The following MMP19 variants were observed in gnomAD, a reference collection of about 807,000 sequenced individuals.
MMP19 encodes the protein matrix metallopeptidase 19, also known as matrix metalloproteinase-19.
In MMP19, 47 loss-of-function variants were observed where a neutral mutation model predicts 46.6. The observed-to-expected ratio is 1.01, with a 90% CI of 0.80 to 1.29. The LOEUF (loss-of-function observed/expected upper bound fraction) is 1.29, where lower values mean the gene tolerates loss of function less well. Ranked by LOEUF, MMP19 falls within the 50% of genes most tolerant of loss-of-function variation. The pLI is 0.00. For synonymous variants in MMP19, 222 were observed against 248.5 expected, an observed-to-expected ratio of 0.89 and a Z score of 1.00; for missense variants, 589 against 643.5, an observed-to-expected ratio of 0.92 and a Z score of 0.92.
chr12:55,840,697 A>G lies in MMP19; in HGVS notation c.490T>C (p.Ser164Pro). 6.2e-7 allele frequency: 1 copy of G among 1,614,002 alleles called. No homozygotes were observed. The highest frequency in any genetic ancestry group is 8.5e-7 in the Non-Finnish European group (1 of 1,179,978). Reference protein sequence around the residue: ...IRLSFHGRQSSYCSNTFDGPG... With the variant: ...IRLSFHGRQSPYCSNTFDGPG... ...CCATCAAAAGTATTGGAACAGTACGAGCTTTGGCGGCCATGGAAGGAGAGG... is the reference window on the plus strand; with the variant it reads ...CCATCAAAAGTATTGGAACAGTACGGGCTTTGGCGGCCATGGAAGGAGAGG... The change falls in exon 4 of 9, where the codon TCG becomes CCG. Residue 164 changes from serine to proline, a missense_variant. Transcript: ENST00000322569.
At chr12:55,839,288 A>G (rs1307831220) in intron 5 of MMP19, among the ~76,000 whole-genome samples, 1 of 151,564 alleles carries the variant, frequency 6.6e-6, no homozygotes, top group Non-Finnish European at 1.5e-5. Flanking sequence ...ATCCCCAAGC[A>G]TGGGTGTAAG....
chr12:55,840,986 G>A (rs1364730568), intron 3 of MMP19, 104 bp from the exon 4 acceptor site: 13 of 1,538,750 alleles, frequency 8.4e-6, no homozygotes, highest in Non-Finnish European at 1.1e-5. Flanking sequence ...GTGACAACCA[G>A]GTAATCACCA....
intron 7 of MMP19, 71 bp from the exon 8 acceptor site, chr12:55,837,753 C>A: frequency 6.2e-7 from 1 of 1,603,974 alleles, no homozygotes; most frequent in Non-Finnish European, 8.5e-7. Flanking sequence ...CTCCGGTCCA[C>A]CTATTCAGAA....
In MMP19 at chr12:55,837,037, C is replaced by A; in HGVS notation, c.1526G>T (p.Ter509LeuextTer11). The change falls in exon 9 of 9, where the codon TGA becomes TTA. Residue 509 changes from the stop codon to leucine, a stop_lost. Coordinates refer to ENST00000322569, the MANE Select transcript of MMP19 (RefSeq NM_002429.6). ...AAGATTGTGTCTGTGGGTGAGCAGT[C>A]AGTATTCAAACGTGGTTTCTGTGGC... Reference protein sequence around the residue: ...LSATETTFEY* With the variant: ...LSATETTFEYL 1.3e-6 allele frequency: 2 copies of A among 1,556,616 alleles called. No homozygotes were observed. The highest frequency in any genetic ancestry group is 1.7e-4 in the Middle Eastern group (1 of 5,788).
At position 55,837,969 on chromosome 12, in the gene MMP19, C is replaced by G. The variant is rs761706209; in HGVS notation, c.934G>C (p.Val312Leu). 6.3e-7 allele frequency: 1 copy of G among 1,597,950 alleles called. No individual in the cohort carries two copies. Among genetic ancestry groups the G allele is most frequent in the South Asian group, 1.1e-5 (1 of 90,502 alleles). The change falls in exon 7 of 9, where the codon GTG (valine) becomes CTG (leucine). Residue 312 changes from valine to leucine, a missense_variant. Coordinates refer to ENST00000322569, the MANE Select transcript of MMP19 (RefSeq NM_002429.6). ...GGTCCTGAATCTGATACAGTCCACACATAGTCCCCCTTGAAAGCATAGGTC... is the reference window on the plus strand; with the variant it reads ...GGTCCTGAATCTGATACAGTCCACAGATAGTCCCCCTTGAAAGCATAGGTC... ...GKTYAFKGDY[V>L]WTVSDSGPGP...
chr12:55,842,480 T>A (rs1361175880), intron 1 of MMP19, 42 bp from the exon 2 acceptor site: 7 of 1,458,160 alleles, frequency 4.8e-6, no homozygotes, highest in Non-Finnish European at 6.7e-6. Context: ...AGGGGGTTAG[T>A]CTCAGAGTAA....
chr12:55,837,882 C>T lies in MMP19; in HGVS notation c.1021G>A (p.Val341Ile). 6.2e-7 allele frequency: 1 copy of T among 1,613,166 alleles called. No homozygotes were observed. Residue 341 changes from valine (V) to isoleucine (I), a missense_variant, in exon 7 of 9, where the codon GTC becomes ATC. Transcript: ENST00000322569. ...EGLPGNLDAA[V>I]YSPRTQWIHF... ...ATCCATTGTGTTCGAGGCGAGTAGA[C>T]AGCAGCATCCAGGTTTCCGGGGAGC...
chr12:55,837,988 A>G lies in MMP19; in HGVS notation c.915T>C (p.Tyr305=), dbSNP rs753421292. The part of the protein sequence containing the change: ...AMMLGPRGKT[Y]AFKGDYVWTV... ...TCCACACATAGTCCCCCTTGAAAGC[A>G]TAGGTCTTCCCACGGGGCCCTGAGC... is the stretch of plus-strand genomic sequence containing the variant. Residue 305 remains tyrosine, a synonymous_variant, in exon 7 of 9, where the codon TAT becomes TAC. Coordinates refer to ENST00000322569, the MANE Select transcript of MMP19 (RefSeq NM_002429.6). The G allele has an allele frequency of 1.3e-6, 2 of 1,587,894 alleles. No individual in the cohort carries two copies.
rs763182567 is a variant in MMP19 at position 55,839,241 on chromosome 12, CAAAAAAAAAAA to C, written c.766+244_766+254del. Among the ~76,000 whole-genome samples the C allele has an allele frequency of 1.5e-4, 9 of 58,790 alleles. No homozygotes were observed. In the South Asian group the frequency reaches 1.7e-3, roughly 11 times the overall value. The allele number at this position is 58,790 out of a possible 152,430, so 38.6% of individuals were successfully genotyped here. A position where few individuals can be genotyped will look rare whatever the true frequency, so the allele number is the denominator to read the frequency against. On this transcript the variant is annotated intron_variant, in intron 5 of 8. Transcript: ENST00000322569. ...TGGGTGACAGAGTGAGGCTCTATCT[CAAAAAAAAAAA>C]AAAAAAAAAAGAAGGTGCATTCTCC...
chr12:55,836,724 A>C lies in MMP19; in HGVS notation c.*312T>G, dbSNP rs1472007843. On this transcript the variant is annotated 3_prime_UTR_variant, in exon 9 of 9. Transcript: ENST00000322569. The stretch of plus-strand genomic sequence containing the variant: ...TCCCTCCACCATTGACCTCCAGAGA[A>C]GAGATGACACAGTTGGAAGGGCTGT... The C allele has an allele frequency of 5.4e-5, 12 of 222,550 alleles. No individual in the cohort carries two copies. Among genetic ancestry groups the C allele is most frequent in the Non-Finnish European group, 7.9e-5 (9 of 113,798 alleles). The allele number at this position is 222,550 out of a possible 1,614,324, so 13.8% of individuals were successfully genotyped here.
At position 55,837,197 on chromosome 12, in the gene MMP19, G is replaced by T; in HGVS notation, c.1366C>A (p.Arg456=). ...KVYWRLNQQL[R]VEKGYPRNIS... is the part of the protein sequence containing the mutation. ...TTTCTGGGATAGCCTTTCTCTACTC[G>T]AAGCTGCTGGTTGAGGCGCCAGTAG... Residue 456 remains arginine (R), a synonymous_variant, in exon 9 of 9, where the codon CGA becomes AGA. Coordinates refer to ENST00000322569, the MANE Select transcript of MMP19 (RefSeq NM_002429.6). The T allele has an allele frequency of 4.3e-6, 7 of 1,614,196 alleles. No homozygotes were observed. Among genetic ancestry groups the T allele is most frequent in the Non-Finnish European group, 5.9e-6 (7 of 1,180,032 alleles).
intron 7 of MMP19, 47 bp from the exon 8 acceptor site, chr12:55,837,729 T>C (rs781477623): frequency 6.2e-7 from 1 of 1,612,692 alleles, no homozygotes; most frequent in Non-Finnish European, 8.5e-7. Context: ...CCTCAGGTGA[T>C]AGCTTTTGGT....
At chr12:55,838,572 C>T (rs769713187) in intron 6 of MMP19, 34 bp downstream of exon 6, 8 of 1,613,978 alleles carry the variant, frequency 5.0e-6, no homozygotes, top group African/African-American at 2.7e-5. Flanking sequence ...CTGCCCCCAC[C>T]GCCTGCCAAC....
At chr12:55,841,005 TCTATTCAA>T (rs1465316727) in intron 3 of MMP19, 93 bp downstream of exon 3, 2 of 1,540,998 alleles carry the variant, frequency 1.3e-6, no homozygotes, top group Non-Finnish European at 1.8e-6. Context: ...CAGGTGATTA[TCTATTCAA>T]CACTGAGCTG....
Position 55,838,014 on chromosome 12 carries a change from G to C in MMP19, c.896-7C>G, listed in dbSNP as rs367708829. The C allele has an allele frequency of 6.4e-7, 1 of 1,560,648 alleles. No individual in the cohort carries two copies. Among genetic ancestry groups the C allele is most frequent in the Admixed American group, 1.9e-5 (1 of 53,030 alleles). ...TAGGTCTTCCCACGGGGCCCTGAGC[G>C]TAATGGTGTGTCAACAAGTCAAAAA... is the stretch of plus-strand genomic sequence containing the variant. On this transcript the variant is annotated splice_region_variant and splice_polypyrimidine_tract_variant and intron_variant, in intron 6 of 8. Transcript: ENST00000322569.
At chr12:55,841,032 T>C (rs1881653929) in intron 3 of MMP19, 74 bp downstream of exon 3, 4 of 1,583,466 alleles carry the variant, frequency 2.5e-6, no homozygotes, top group South Asian at 2.2e-5. Flanking sequence ...TGGTCCAGAC[T>C]GTCCTAATGC....
rs552081197 is a variant in MMP19 at position 55,836,755 on chromosome 12, A to G, written c.*281T>C. 6 of 299,984 alleles carry G rather than the reference A, an allele frequency of 2.0e-5. No homozygotes were observed. In the South Asian group the frequency reaches 2.2e-4, roughly 11 times the overall value. The allele number at this position is 299,984 out of a possible 1,614,324, so 18.6% of individuals were successfully genotyped here. A position where few individuals can be genotyped will look rare whatever the true frequency, so the allele number is the denominator to read the frequency against. ...GACACAGTTGGAAGGGCTGTCTAAGACAGACAGGAAATGGAGTTGGGGGCC... is the reference window on the plus strand; with the variant it reads ...GACACAGTTGGAAGGGCTGTCTAAGGCAGACAGGAAATGGAGTTGGGGGCC... On this transcript the variant is annotated 3_prime_UTR_variant, in exon 9 of 9. Coordinates refer to ENST00000322569, the MANE Select transcript of MMP19 (RefSeq NM_002429.6).
Position 55,837,192 on chromosome 12 carries a change from T to C in MMP19, c.1371A>G (p.Val457=), listed in dbSNP as rs1461064937. The C allele has an allele frequency of 5.0e-6, 8 of 1,614,244 alleles. 1 individual carries two copies. Among genetic ancestry groups the C allele is most frequent in the Middle Eastern group, 1.6e-4 (1 of 6,062 alleles). Residue 457 remains valine (V), a synonymous_variant, in exon 9 of 9, where the codon GTA becomes GTG. Coordinates refer to ENST00000322569, the MANE Select transcript of MMP19 (RefSeq NM_002429.6). The part of the protein sequence containing the change: ...VYWRLNQQLR[V]EKGYPRNISH... Reference sequence around the variant, plus strand: ...AAATATTTCTGGGATAGCCTTTCTCTACTCGAAGCTGCTGGTTGAGGCGCC... The same window carrying C: ...AAATATTTCTGGGATAGCCTTTCTCCACTCGAAGCTGCTGGTTGAGGCGCC...
chr12:55,842,321 G>A, intron 2 of MMP19, 32 bp downstream of exon 2: 1 of 1,556,570 alleles, frequency 6.4e-7, no homozygotes, highest in South Asian at 1.1e-5. Context: ...TGAGACCTTA[G>A]CCCTAAAGGC....
Sources: gnomAD v4.1 joint callset for allele counts (sites outside exome capture counted in the v4.1 genomes callset) on GRCh38, gnomAD v4.1.1 for gene constraint, MANE v1.5 for transcripts, NCBI Gene and HGNC (gene_info 2026-07-23, HGNC 2026-07-21) for gene names.